COL25A1: variants seen among roughly 807,000 people sequenced by gnomAD.
The protein encoded by COL25A1 is collagen type XXV alpha 1 chain.
In COL25A1, 103 loss-of-function variants were observed where a neutral mutation model predicts 128.4. The observed-to-expected ratio is 0.80, with a 90% CI of 0.68 to 0.94. COL25A1 has a LOEUF of 0.94. Among genes scored for constraint, COL25A1 ranks in the 40% least tolerant of loss-of-function variants. COL25A1 has a pLI of 0.00. For synonymous variants in COL25A1, 279 were observed against 277.2 expected, an observed-to-expected ratio of 1.01 and a Z score of -0.06; for missense variants, 745 against 840.0, an observed-to-expected ratio of 0.89 and a Z score of 1.40.
intron 19 of COL25A1, among the ~76,000 whole-genome samples, chr4:108,881,881 TA>T (rs974157021): frequency 4.6e-5 from 7 of 152,202 alleles, no homozygotes; most frequent in Admixed American, 3.3e-4. Context: ...GCCTAAGATT[TA>T]AATCAAATAC....
chr4:109,031,888 G>C (rs1758901225), intron 5 of COL25A1, among the ~76,000 whole-genome samples: 1 of 152,080 alleles, frequency 6.6e-6, no homozygotes, highest in Non-Finnish European at 1.5e-5. Flanking sequence ...CCAAAGCTTT[G>C]TCTGCTTTCC....
intron 8 of COL25A1, among the ~76,000 whole-genome samples, chr4:108,957,283 A>C (rs994836007): frequency 2.2e-4 from 34 of 152,258 alleles, no homozygotes; most frequent in African/African-American, 7.9e-4. Flanking sequence ...GCAGGAGAAG[A>C]TGAGATGGGA....
intron 3 of COL25A1, among the ~76,000 whole-genome samples, chr4:109,183,214 C>G (rs2526451): frequency 0.63 from 95,391 of 151,768 alleles, 30,402 homozygotes; most frequent in East Asian, 0.75. Flanking sequence ...ACCCAACCAG[C>G]ATCTCCACCA....
intron 6 of COL25A1, among the ~76,000 whole-genome samples, chr4:108,988,087 C>T (rs1448805477): frequency 2.6e-5 from 4 of 152,190 alleles, no homozygotes; most frequent in Non-Finnish European, 5.9e-5. Context: ...TACCACGTGA[C>T]CTTTGGCAAA....
intron 3 of COL25A1, among the ~76,000 whole-genome samples, chr4:109,181,118 T>C (rs928752668): frequency 2.6e-5 from 4 of 152,160 alleles, no homozygotes; most frequent in African/African-American, 9.7e-5. Context: ...AAAACACATT[T>C]TTAAAGCTTT....
chr4:108,978,540 AT>A (rs138608421), intron 6 of COL25A1, among the ~76,000 whole-genome samples: 8,985 of 151,836 alleles, frequency 0.059, 311 homozygotes, highest in East Asian at 0.14. Context: ...TGGGGTATTA[AT>A]TTTTTTTTAT....
chr4:108,868,389 A>C (rs1738199802), intron 20 of COL25A1, among the ~76,000 whole-genome samples: 1 of 152,050 alleles, frequency 6.6e-6, no homozygotes. Flanking sequence ...ATTAGGCAAA[A>C]ATATATGGTC....
chr4:109,246,419 CAG>C (rs1780271819), intron 3 of COL25A1, among the ~76,000 whole-genome samples: 1 of 152,120 alleles, frequency 6.6e-6, no homozygotes, highest in African/African-American at 2.4e-5. Context: ...GATAGTCAAA[CAG>C]GGTAAAGACA....
chr4:109,011,029 A>C (rs1023176346), intron 5 of COL25A1, among the ~76,000 whole-genome samples: 2 of 152,188 alleles, frequency 1.3e-5, no homozygotes, highest in African/African-American at 4.8e-5. Context: ...TTTATTTTGA[A>C]TGTCATTTTC....
In COL25A1 at chr4:108,937,814, G is replaced by A. The variant is rs770806706; in HGVS notation, c.702C>T (p.Gly234=). Residue 234 remains glycine, a synonymous_variant, in exon 11 of 38, where the codon GGC becomes GGT. Transcript: ENST00000399132. ...GATAAACTGAGATACTTGCCATCAAGCCTTGTTCTCCTGGCTTTCCTGGTT... is the reference window on the plus strand; with the variant it reads ...GATAAACTGAGATACTTGCCATCAAACCTTGTTCTCCTGGCTTTCCTGGTT... ...PGEPGKPGEQ[G]LMGPLGPPGQ... 1.9e-5 allele frequency: 30 copies of A among 1,606,880 alleles called. No individual in the cohort carries two copies. The highest frequency in any genetic ancestry group is 1.9e-4 in the Admixed American group (11 of 58,992).
chr4:109,188,580 G>T (rs1431810478), intron 3 of COL25A1, among the ~76,000 whole-genome samples: 1 of 152,130 alleles, frequency 6.6e-6, no homozygotes, highest in Non-Finnish European at 1.5e-5. Context: ...CCAGGAAACT[G>T]TAGCTTTGAG....
rs548823316 is a variant in COL25A1, at chr4:108,819,414, A to C, written c.1846-85T>G. The C allele has an allele frequency of 2.2e-5, 25 of 1,123,550 alleles. No individual in the cohort carries two copies. In the East Asian group the frequency reaches 6.0e-4, roughly 27 times the overall value. The allele number at this position is 1,123,550 out of a possible 1,614,324, so 69.6% of individuals were successfully genotyped here. A position where few individuals can be genotyped will look rare whatever the true frequency, so the allele number is the denominator to read the frequency against. On this transcript the variant is annotated intron_variant, in intron 35 of 37. Transcript: ENST00000399132. Reference sequence around the variant, plus strand: ...CTGCGAAAGAAGTAACTACAACAACAAAGGCTGGGAGAGGAGCAACTCTGA... The same window carrying C: ...CTGCGAAAGAAGTAACTACAACAACCAAGGCTGGGAGAGGAGCAACTCTGA...
intron 3 of COL25A1, among the ~76,000 whole-genome samples, chr4:109,243,284 T>C (rs372384843): frequency 6.6e-6 from 1 of 152,034 alleles, no homozygotes; most frequent in East Asian, 1.9e-4. Context: ...CTTCATGCTA[T>C]CAGTATACAC....
Position 109,280,539 on chromosome 4 carries a change from T to C in COL25A1, c.367+20044A>G, listed in dbSNP as rs138229976. Among the ~76,000 whole-genome samples, 445 of 152,334 alleles carry C rather than the reference T, an allele frequency of 2.9e-3. 2 individuals carry two copies. The highest frequency in any genetic ancestry group is 9.3e-3 in the African/African-American group (386 of 41,588). ...AGCTATGAAGACATTCATGAGACCATGGTGGAAACCTGAATATACACTGAA... is the reference window on the plus strand; with the variant it reads ...AGCTATGAAGACATTCATGAGACCACGGTGGAAACCTGAATATACACTGAA... On this transcript the variant is annotated intron_variant, in intron 3 of 37. Coordinates refer to ENST00000399132, the MANE Select transcript of COL25A1 (RefSeq NM_198721.4).
intron 32 of COL25A1, 81 bp from the exon 33 acceptor site, chr4:108,827,269 C>A: frequency 8.3e-7 from 1 of 1,205,576 alleles, no homozygotes; most frequent in Non-Finnish European, 1.2e-6. Flanking sequence ...TGTCTAAAGC[C>A]TCTATTTCAA....
chr4:109,149,820 T>C (rs1229744722), intron 3 of COL25A1, among the ~76,000 whole-genome samples: 1 of 152,212 alleles, frequency 6.6e-6, no homozygotes, highest in Non-Finnish European at 1.5e-5. Flanking sequence ...AGCTAGTTGT[T>C]CTACAGGATT....
chr4:109,221,310 C>T (rs965198079), intron 3 of COL25A1, among the ~76,000 whole-genome samples: 47 of 152,088 alleles, frequency 3.1e-4, no homozygotes, highest in African/African-American at 1.1e-3. Context: ...TGCCTAAAAC[C>T]TTTAAATCAG....
In COL25A1 at chr4:108,877,381, T is replaced by C. The variant is rs549043720; in HGVS notation, c.1020+6797A>G. 3.3e-5 allele frequency among the ~76,000 whole-genome samples: 5 copies of C among 152,242 alleles called. No individual in the cohort carries two copies. The South Asian group carries it at 8.3e-4, about 25-fold the overall frequency. ...TTTCTGCATGAAACAAAAAGTTCCA[T>C]TGTCAATTAGTGTATGAGCATTAAA... On this transcript the variant is annotated intron_variant, in intron 19 of 37. Coordinates refer to ENST00000399132, the MANE Select transcript of COL25A1 (RefSeq NM_198721.4).
intron 3 of COL25A1, among the ~76,000 whole-genome samples, chr4:109,250,301 T>TG (rs74799243): frequency 0.048 from 7,142 of 149,282 alleles, 612 homozygotes; most frequent in African/African-American, 0.17. Flanking sequence ...CACAAATATC[T>TG]GGGGGGGGAG....
Sources: allele counts gnomAD v4.1 joint callset (sites outside exome capture counted in the v4.1 genomes callset), GRCh38; gene constraint gnomAD v4.1.1; transcripts MANE v1.5; gene names NCBI Gene and HGNC (gene_info 2026-07-23, HGNC 2026-07-21).